The following AKAP10 variants were observed in gnomAD, a reference collection of about 807,000 sequenced individuals.
The protein encoded by AKAP10 is A-kinase anchor protein 10, mitochondrial.
AKAP10 carries 24 observed loss-of-function variants against 80.8 expected under a neutral mutation model. The ratio of observed to expected loss-of-function variants is 0.30; its 90% confidence interval spans 0.22 to 0.42. The LOEUF (loss-of-function observed/expected upper bound fraction) is 0.42. AKAP10 is among the 10% of genes least tolerant of loss of function. AKAP10 has a pLI of 1.00. For synonymous variants in AKAP10, 291 were observed against 277.7 expected (o/e 1.05, Z -0.48); for missense variants, 661 against 794.9 (o/e 0.83, Z 2.03).
intron 8 of AKAP10, among the ~76,000 whole-genome samples, chr17:19,939,361 C>T (rs544866288): frequency 1.3e-5 from 2 of 152,170 alleles, no homozygotes; most frequent in East Asian, 1.9e-4. Context: ...CTTTCCCCTA[C>T]GTTTCCATGG....
chr17:19,957,858 G>A (rs1033434473), intron 4 of AKAP10, among the ~76,000 whole-genome samples, 156 bp downstream of exon 4: 18 of 150,684 alleles, frequency 1.2e-4, no homozygotes, highest in African/African-American at 3.9e-4. Context: ...ACACTGATCT[G>A]ACTCTACTAC....
At chr17:19,957,971 AAAGT>A (rs1425049637) in intron 4 of AKAP10, 39 bp downstream of exon 4, 2 of 1,516,906 alleles carry the variant, frequency 1.3e-6, no homozygotes, top group East Asian at 4.5e-5. Context: ...TTAAAAAAAG[AAAGT>A]GAGACACATA....
At chr17:19,908,472 G>C (rs1286789936) in intron 14 of AKAP10, among the ~76,000 whole-genome samples, 4 of 151,938 alleles carry the variant, frequency 2.6e-5, no homozygotes, top group Admixed American at 2.6e-4. Flanking sequence ...ACTAATTTCT[G>C]GGGGGTTCTC....
At chr17:19,972,948 T>C (rs1247619772) in intron 1 of AKAP10, among the ~76,000 whole-genome samples, 2 of 152,142 alleles carry the variant, frequency 1.3e-5, no homozygotes, top group Non-Finnish European at 2.9e-5. Context: ...GCATCAGGGA[T>C]TGGCAAACTA....
intron 4 of AKAP10, among the ~76,000 whole-genome samples, chr17:19,956,874 G>T (rs1294806608): frequency 2.0e-5 from 3 of 151,966 alleles, no homozygotes; most frequent in Admixed American, 2.0e-4. Context: ...AGTGGTGGCG[G>T]GCGCCTGTAA....
chr17:19,920,061 A>G lies in AKAP10; in HGVS notation c.1809T>C (p.Pro603=). 6.2e-7 allele frequency: 1 copy of G among 1,613,546 alleles called. No individual in the cohort carries two copies. The highest frequency in any genetic ancestry group is 8.5e-7 in the Non-Finnish European group (1 of 1,179,558). The part of the protein sequence containing the change: ...DLGQFIRESE[P]EPDVRKSKGS... Reference sequence around the variant, plus strand: ...CTTTTGATTTCCTTACATCAGGTTCAGGCTCAGATTCTCGGATGAATTGCC... The same window carrying G: ...CTTTTGATTTCCTTACATCAGGTTCGGGCTCAGATTCTCGGATGAATTGCC... The change falls in exon 12 of 15, where the codon CCT becomes CCC. Residue 603 remains proline (P), a synonymous_variant. Transcript: ENST00000225737.
At chr17:19,967,560 G>C (rs1265720591) in intron 2 of AKAP10, among the ~76,000 whole-genome samples, 1 of 152,170 alleles carries the variant, frequency 6.6e-6, no homozygotes, top group Non-Finnish European at 1.5e-5. Flanking sequence ...GTAATCACTA[G>C]GATAGCCAAT....
At chr17:19,935,036 A>C (rs896447437) in intron 9 of AKAP10, among the ~76,000 whole-genome samples, 1 of 150,278 alleles carries the variant, frequency 6.7e-6, no homozygotes, top group Non-Finnish European at 1.5e-5. Context: ...TCAATCAATC[A>C]ATAAACAGAA....
At chr17:19,918,555 C>T (rs1282648063) in intron 12 of AKAP10, among the ~76,000 whole-genome samples, 1 of 152,130 alleles carries the variant, frequency 6.6e-6, no homozygotes, top group African/African-American at 2.4e-5. Context: ...CTCTTGACCT[C>T]GTGACCCACC....
chr17:19,915,639 A>G (rs2042735743), intron 12 of AKAP10, among the ~76,000 whole-genome samples: 1 of 152,240 alleles, frequency 6.6e-6, no homozygotes, highest in African/African-American at 2.4e-5. Flanking sequence ...GCATGTCTCA[A>G]TTAAATTAAT....
chr17:19,967,221 C>T (rs1198957273), intron 2 of AKAP10, among the ~76,000 whole-genome samples: 1 of 152,136 alleles, frequency 6.6e-6, no homozygotes, highest in Non-Finnish European at 1.5e-5. Context: ...GTACACTGGA[C>T]AAATAAAATC....
At position 19,946,321 on chromosome 17, in the gene AKAP10, A is replaced by G. The variant is rs1251428355; in HGVS notation, c.976+1086T>C. On this transcript the variant is annotated intron_variant, in intron 5 of 14. Transcript: ENST00000225737. The stretch of plus-strand genomic sequence containing the variant: ...TTTTGGCAGGGGGTGAGGGCATAAG[A>G]GAAGGCTGGTCCCAACCTACAGTAT... 1.2e-4 allele frequency among the ~76,000 whole-genome samples: 12 copies of G among 103,914 alleles called. 1 individual carries two copies. The highest frequency in any genetic ancestry group is 8.3e-3 in the Middle Eastern group (1 of 120). 68.2% of individuals were successfully genotyped at this position (103,914 alleles called of 152,430 possible). A position where few individuals can be genotyped will look rare whatever the true frequency, so the allele number is the denominator to read the frequency against.
intron 4 of AKAP10, 125 bp downstream of exon 4, chr17:19,957,889 T>C (rs2043298480): frequency 1.1e-5 from 11 of 1,047,284 alleles, no homozygotes; most frequent in Non-Finnish European, 1.5e-5. Context: ...TTCTCCCAAA[T>C]TTACAAGTAG....
intron 2 of AKAP10, 72 bp downstream of exon 2, chr17:19,968,342 C>A (rs1185795574): frequency 8.5e-7 from 1 of 1,177,894 alleles, no homozygotes; most frequent in East Asian, 2.4e-5. Context: ...GAGAGTATAA[C>A]AGGATTAAAG....
At chr17:19,965,661 G>T (rs1271977393) in intron 2 of AKAP10, among the ~76,000 whole-genome samples, 1 of 152,130 alleles carries the variant, frequency 6.6e-6, no homozygotes, top group Non-Finnish European at 1.5e-5. Flanking sequence ...TTTATACAAG[G>T]TAAGTGTCAT....
chr17:19,965,567 G>A (rs2043406211), intron 2 of AKAP10, among the ~76,000 whole-genome samples: 1 of 152,044 alleles, frequency 6.6e-6, no homozygotes, highest in South Asian at 2.1e-4. Context: ...AGGCCCCTTT[G>A]CCCAATATAT....
chr17:19,913,583 A>G (rs187950157), intron 12 of AKAP10, among the ~76,000 whole-genome samples: 150 of 152,342 alleles, frequency 9.8e-4, no homozygotes, highest in African/African-American at 3.5e-3. Context: ...CACTGTGCCC[A>G]GACTTCAATT....
At chr17:19,936,173 C>T (rs1480449514) in intron 9 of AKAP10, 113 bp downstream of exon 9, 6 of 1,257,392 alleles carry the variant, frequency 4.8e-6, no homozygotes, top group African/African-American at 1.5e-5. Flanking sequence ...AATCACTTTG[C>T]TGGACTGCTT....
rs540176646 is a variant in AKAP10, at chr17:19,917,805, C to A, written c.1834+2231G>T. On this transcript the variant is annotated intron_variant, in intron 12 of 14. Coordinates refer to ENST00000225737, the MANE Select transcript of AKAP10 (RefSeq NM_007202.4). Reference sequence around the variant, plus strand: ...AGGCGTGGTGGCAGGTGCCTATAATCCCAGCTACTTGGGAGGCTGAGGCAG... The same window carrying A: ...AGGCGTGGTGGCAGGTGCCTATAATACCAGCTACTTGGGAGGCTGAGGCAG... Among the ~76,000 whole-genome samples, 6 of 152,190 alleles carry A rather than the reference C, an allele frequency of 3.9e-5. No individual in the cohort carries two copies. In the South Asian group the frequency reaches 1.0e-3, roughly 26 times the overall value.
Sources: gnomAD v4.1 joint callset for allele counts (sites outside exome capture counted in the v4.1 genomes callset) on GRCh38, gnomAD v4.1.1 for gene constraint, MANE v1.5 for transcripts, NCBI Gene and HGNC (gene_info 2026-07-23, HGNC 2026-07-21) for gene names.